RASSF8: variants seen among roughly 807,000 people sequenced by gnomAD.
RASSF8 encodes the protein ras association domain-containing protein 8.
RASSF8 carries 22 observed loss-of-function variants against 48.5 expected under a neutral mutation model. The ratio of observed to expected loss-of-function variants is 0.45; its 90% CI spans 0.32 to 0.65. The LOEUF (loss-of-function observed/expected upper bound fraction) is 0.65, where lower values mean the gene tolerates loss of function less well. Ranked by LOEUF, RASSF8 falls within the 30% of genes least tolerant of loss-of-function variation. The pLI is 0.03. For synonymous variants in RASSF8, 127 were observed against 171.5 expected, an observed-to-expected ratio of 0.74 and a Z score of 2.03; for missense variants, 418 against 489.2, an observed-to-expected ratio of 0.85 and a Z score of 1.37.
chr12:25,994,281 A>T (rs201371143), intron 1 of RASSF8, among the ~76,000 whole-genome samples: 10,081 of 35,980 alleles, frequency 0.28, 714 homozygotes, highest in East Asian at 0.54. Context: ...AGATTTTTAA[A>T]AAAAAAAAAA....
chr12:25,965,112 T>G (rs1010844655), intron 1 of RASSF8, among the ~76,000 whole-genome samples: 21 of 151,984 alleles, frequency 1.4e-4, no homozygotes, highest in African/African-American at 4.6e-4. Context: ...CCAGCTAATT[T>G]TTTACATTTT....
intron 3 of RASSF8, among the ~76,000 whole-genome samples, chr12:26,062,775 A>G (rs1943773154): frequency 6.6e-6 from 1 of 152,242 alleles, no homozygotes; most frequent in Non-Finnish European, 1.5e-5. Flanking sequence ...CTTTTGTTAT[A>G]GGAAAAATGT....
chr12:25,971,229 G>GC (rs2136862391), intron 1 of RASSF8, among the ~76,000 whole-genome samples: 1 of 152,244 alleles, frequency 6.6e-6, no homozygotes, highest in African/African-American at 2.4e-5. Context: ...TTCTAAAATG[G>GC]AGCAGCTTTG....
intron 2 of RASSF8, among the ~76,000 whole-genome samples, chr12:26,025,703 CA>C (rs1942896988): frequency 1.3e-5 from 2 of 151,716 alleles, no homozygotes; most frequent in South Asian, 4.2e-4. Context: ...TTGCTGGATA[CA>C]AGATCAGTAT....
chr12:26,005,682 T>C (rs941130028), intron 2 of RASSF8, among the ~76,000 whole-genome samples: 3 of 152,170 alleles, frequency 2.0e-5, no homozygotes, highest in African/African-American at 4.8e-5. Flanking sequence ...GAGGAACATA[T>C]AGTCTCACCA....
chr12:25,974,790 C>T (rs1941566792), intron 1 of RASSF8, among the ~76,000 whole-genome samples: 1 of 152,086 alleles, frequency 6.6e-6, no homozygotes, highest in South Asian at 2.1e-4. Context: ...CTCTTCCAGA[C>T]ATATTGACCA....
intron 1 of RASSF8, among the ~76,000 whole-genome samples, chr12:25,961,862 A>G (rs927139830): frequency 3.3e-5 from 5 of 152,128 alleles, no homozygotes; most frequent in Admixed American, 6.5e-5. Flanking sequence ...TATCAGCCCT[A>G]GCAAACCAGT....
At chr12:26,021,825 T>G (rs1942793674) in intron 2 of RASSF8, among the ~76,000 whole-genome samples, 1 of 152,020 alleles carries the variant, frequency 6.6e-6, no homozygotes, top group African/African-American at 2.4e-5. Flanking sequence ...AACAGAGAAC[T>G]CCAAAAACCC....
rs34419551 is a variant in RASSF8, at chr12:26,005,164, GGTGT to G, written c.-109+10055_-109+10058del. On this transcript the variant is annotated intron_variant, in intron 2 of 5. Transcript: ENST00000689635. ...TGTCTTTTTAAATTTTTACGGATGG[GGTGT>G]GTGTGTGTGTGTGTGTGTGTTTTAC... is the stretch of plus-strand genomic sequence containing the variant. Among the ~76,000 whole-genome samples the G allele has an allele frequency of 2.1e-3, 308 of 149,958 alleles. 2 individuals carry two copies. The highest frequency in any genetic ancestry group is 5.9e-3 in the African/African-American group (238 of 40,516).
downstream of RASSF8, chr12:26,072,879 T>A (rs1179093192): frequency 4.8e-5 from 42 of 882,096 alleles, no homozygotes; most frequent in Non-Finnish European, 5.6e-5. Context: ...ATTACAGTTG[T>A]CAGTTTGTTT....
downstream of RASSF8, among the ~76,000 whole-genome samples, chr12:26,073,746 T>TCTCTACACACACACACACACAC (rs10678881): frequency 1.5e-4 from 7 of 46,346 alleles, no homozygotes; most frequent in African/African-American, 6.2e-4. Context: ...TCTCTCTCTC[T>TCTCTACACACACACACACACAC]ATACACACAC....
chr12:26,044,092 A>C lies in RASSF8; in HGVS notation c.-108-11144A>C, dbSNP rs146547792. Among the ~76,000 whole-genome samples, 79 of 152,344 alleles carry C rather than the reference A, an allele frequency of 5.2e-4. 1 individual carries two copies. The East Asian group carries it at 0.013, about 25-fold the overall frequency. ...AACTGCTAGGCATGAACACTGTCCC[A>C]ATACTATTCCCAGTCCTCTTCTATC... On this transcript the variant is annotated intron_variant, in intron 2 of 5. Coordinates refer to ENST00000689635, the MANE Select transcript of RASSF8 (RefSeq NM_001394098.1).
intron 2 of RASSF8, among the ~76,000 whole-genome samples, chr12:26,035,117 C>T (rs1350283994): frequency 2.6e-5 from 4 of 152,004 alleles, no homozygotes; most frequent in Admixed American, 1.3e-4. Flanking sequence ...AGTTAATGAA[C>T]TTCTCTTCTA....
chr12:26,027,043 T>C (rs1418263028), intron 2 of RASSF8, among the ~76,000 whole-genome samples: 1 of 152,188 alleles, frequency 6.6e-6, no homozygotes, highest in East Asian at 1.9e-4. Context: ...GAAATATTAT[T>C]TGGCAATAAA....
chr12:26,061,930 A>G (rs1352453961), intron 3 of RASSF8, among the ~76,000 whole-genome samples: 2 of 152,228 alleles, frequency 1.3e-5, no homozygotes, highest in Non-Finnish European at 2.9e-5. Flanking sequence ...AGTAAAAGCA[A>G]TTCTAAATAA....
Position 26,069,800 on chromosome 12 carries a change from T to G in RASSF8, c.*982T>G, listed in dbSNP as rs1943962694. 1 of 985,100 alleles carries G rather than the reference T, an allele frequency of 1.0e-6. No individual in the cohort carries two copies. Among genetic ancestry groups the G allele is most frequent in the African/African-American group, 1.7e-5 (1 of 57,220 alleles). The allele number at this position is 985,100 out of a possible 1,614,324, so 61.0% of individuals were successfully genotyped here. A position where few individuals can be genotyped will look rare whatever the true frequency, so the allele number is the denominator to read the frequency against. Reference sequence around the variant, plus strand: ...GTTGGTGTACACACCATGGGTAAGGTATTGCTTGCACATAATTTGCTCTGC... The same window carrying G: ...GTTGGTGTACACACCATGGGTAAGGGATTGCTTGCACATAATTTGCTCTGC... On this transcript the variant is annotated 3_prime_UTR_variant, in exon 6 of 6. Coordinates refer to ENST00000689635, the MANE Select transcript of RASSF8 (RefSeq NM_001394098.1).
At chr12:25,990,480 G>A (rs1246144779) in intron 1 of RASSF8, among the ~76,000 whole-genome samples, 2 of 152,010 alleles carry the variant, frequency 1.3e-5, no homozygotes, top group African/African-American at 4.8e-5. Flanking sequence ...ATTAATTTTG[G>A]TATTACCATT....
At chr12:26,016,799 GTTTA>G (rs1942662279) in intron 2 of RASSF8, among the ~76,000 whole-genome samples, 1 of 152,022 alleles carries the variant, frequency 6.6e-6, no homozygotes, top group Admixed American at 6.6e-5. Context: ...TTGAATAGTT[GTTTA>G]TTTTTGTGAT....
chr12:26,044,525 G>A (rs911973315), intron 2 of RASSF8, among the ~76,000 whole-genome samples: 3 of 152,118 alleles, frequency 2.0e-5, no homozygotes, highest in African/African-American at 7.2e-5. Context: ...TCAATGTACT[G>A]TAGGTTAGGT....
Sources: allele counts gnomAD v4.1 joint callset (sites outside exome capture counted in the v4.1 genomes callset), GRCh38; gene constraint gnomAD v4.1.1; transcripts MANE v1.5; gene names NCBI Gene and HGNC (gene_info 2026-07-23, HGNC 2026-07-21).